The following GRID2 variants were observed in gnomAD, a reference collection of about 807,000 sequenced individuals.
The protein encoded by GRID2 is glutamate ionotropic receptor delta type subunit 2.
A neutral mutation model predicts 114.8 loss-of-function variants in GRID2; 33 were observed. That is an observed-to-expected ratio of 0.29 (90% CI 0.22 to 0.38). The LOEUF is 0.38. GRID2 is among the 10% of genes least tolerant of loss of function. GRID2 has a pLI of 1.00. For missense variants in GRID2, 1,184 were observed against 1,257.7 expected (o/e 0.94, Z 0.89); for synonymous variants, 505 against 449.9 (o/e 1.12, Z -1.55).
At chr4:93,127,574 AC>A (rs1734392807) in intron 4 of GRID2, among the ~76,000 whole-genome samples, 1 of 152,176 alleles carries the variant, frequency 6.6e-6, no homozygotes. Context: ...TGTATTTATC[AC>A]ACTAAACCTA....
At chr4:92,960,384 G>C (rs969977565) in intron 2 of GRID2, among the ~76,000 whole-genome samples, 1 of 151,886 alleles carries the variant, frequency 6.6e-6, no homozygotes, top group African/African-American at 2.4e-5. Context: ...TATAATAGCA[G>C]GTTTATCTAT....
At chr4:93,263,907 T>C (rs1017566438) in intron 8 of GRID2, among the ~76,000 whole-genome samples, 5 of 152,168 alleles carry the variant, frequency 3.3e-5, no homozygotes. Flanking sequence ...AATGGGAGCA[T>C]AGAAGTCAAC....
intron 1 of GRID2, among the ~76,000 whole-genome samples, chr4:92,424,766 C>A (rs1407261048): frequency 6.7e-6 from 1 of 150,280 alleles, no homozygotes; most frequent in Non-Finnish European, 1.5e-5. Context: ...CTTCTAGTTT[C>A]TTCTGATATT....
At chr4:93,680,792 G>T (rs955365129) in intron 14 of GRID2, among the ~76,000 whole-genome samples, 1 of 152,056 alleles carries the variant, frequency 6.6e-6, no homozygotes, top group Admixed American at 6.6e-5. Context: ...AATAATAAGA[G>T]CTATCTGTGA....
intron 8 of GRID2, among the ~76,000 whole-genome samples, chr4:93,325,685 T>G (rs981468314): frequency 6.8e-6 from 1 of 147,998 alleles, no homozygotes; most frequent in Non-Finnish European, 1.5e-5. Flanking sequence ...TATTTTTTAG[T>G]CATATTTCAA....
At chr4:93,491,768 A>T (rs1727031950) in intron 12 of GRID2, among the ~76,000 whole-genome samples, 1 of 151,928 alleles carries the variant, frequency 6.6e-6, no homozygotes, top group African/African-American at 2.4e-5. Context: ...AATGTAAATT[A>T]AATTCATTAG....
chr4:93,302,751 C>A, intron 8 of GRID2: 2 of 356,224 alleles, frequency 5.6e-6, no homozygotes, highest in East Asian at 7.3e-5. Context: ...ATAAAACCAA[C>A]AATATATCCA....
intron 1 of GRID2, among the ~76,000 whole-genome samples, chr4:92,517,667 A>T (rs1724563010): frequency 6.6e-6 from 1 of 151,906 alleles, no homozygotes; most frequent in South Asian, 2.1e-4. Flanking sequence ...CAGCTACATG[A>T]GGTAGTAGTT....
intron 2 of GRID2, among the ~76,000 whole-genome samples, chr4:92,827,712 A>G (rs1741822669): frequency 1.3e-5 from 2 of 152,116 alleles, no homozygotes; most frequent in African/African-American, 4.8e-5. Flanking sequence ...TAAATGCTCA[A>G]CGAATAAAAA....
chr4:93,608,428 A>C (rs1375744053), intron 13 of GRID2, among the ~76,000 whole-genome samples: 3 of 144,072 alleles, frequency 2.1e-5, no homozygotes, highest in African/African-American at 7.9e-5. Flanking sequence ...GTCATCTAGC[A>C]TTAGGTATAT....
At chr4:92,344,310 T>G (rs1727658116) in intron 1 of GRID2, among the ~76,000 whole-genome samples, 1 of 152,154 alleles carries the variant, frequency 6.6e-6, no homozygotes, top group African/African-American at 2.4e-5. Flanking sequence ...AATAAAAGTA[T>G]TTAGAGTATA....
At chr4:92,653,304 T>TACACAC (rs145150152) in intron 2 of GRID2, among the ~76,000 whole-genome samples, 19 of 146,540 alleles carry the variant, frequency 1.3e-4, no homozygotes, top group African/African-American at 3.7e-4. Context: ...TGGCCAAAAT[T>TACACAC]ACACACACAC....
At chr4:93,729,271 G>A (rs929160561) in intron 14 of GRID2, among the ~76,000 whole-genome samples, 10 of 152,020 alleles carry the variant, frequency 6.6e-5, no homozygotes, top group Admixed American at 1.3e-4. Flanking sequence ...TTATGGATCC[G>A]CTGAATAAAA....
intron 2 of GRID2, among the ~76,000 whole-genome samples, chr4:93,026,647 CGTGT>C (rs1020236065): frequency 2.0e-5 from 3 of 151,206 alleles, no homozygotes; most frequent in African/African-American, 2.4e-5. Flanking sequence ...GTGAGGTGTG[CGTGT>C]GTGTGTATTT....
chr4:93,019,803 A>G (rs893306646), intron 2 of GRID2, among the ~76,000 whole-genome samples: 7 of 152,140 alleles, frequency 4.6e-5, no homozygotes, highest in Non-Finnish European at 1.0e-4. Flanking sequence ...GTTTTAAGAG[A>G]GATATTAAAG....
At chr4:93,097,151 A>G (rs766123288) in intron 3 of GRID2, among the ~76,000 whole-genome samples, 7 of 152,012 alleles carry the variant, frequency 4.6e-5, no homozygotes, top group Non-Finnish European at 8.8e-5. Context: ...TTGTCTGGAA[A>G]GCGACACAAA....
rs1462621945 is a variant in GRID2 at position 93,017,818 on chromosome 4, A to AAAAAG, written c.245-67162_245-67158dup. ...GGCTCCTTTTCAAGAAAAAAAAAAA[A>AAAAAG]AAAAGAAAAGAAAAGAAAAAATAAA... On this transcript the variant is annotated intron_variant, in intron 2 of 15. Coordinates refer to ENST00000282020, the MANE Select transcript of GRID2 (RefSeq NM_001510.4). Among the ~76,000 whole-genome samples, 2 of 150,262 alleles carry AAAAAG rather than the reference A, an allele frequency of 1.3e-5. 1 individual carries two copies. Among genetic ancestry groups the AAAAAG allele is most frequent in the Non-Finnish European group, 3.0e-5 (2 of 67,714 alleles).
chr4:92,639,691 G>A (rs1423827753), intron 2 of GRID2, among the ~76,000 whole-genome samples: 1 of 151,608 alleles, frequency 6.6e-6, no homozygotes, highest in Non-Finnish European at 1.5e-5. Flanking sequence ...TGGATACGAC[G>A]TGGATTATTG....
At chr4:92,629,612 G>C (rs1730691210) in intron 2 of GRID2, among the ~76,000 whole-genome samples, 1 of 152,104 alleles carries the variant, frequency 6.6e-6, no homozygotes, top group African/African-American at 2.4e-5. Flanking sequence ...TTAAGGGTTT[G>C]TAACAATATA....
Sources: allele counts gnomAD v4.1 joint callset (sites outside exome capture counted in the v4.1 genomes callset), GRCh38; gene constraint gnomAD v4.1.1; transcripts MANE v1.5; gene names NCBI Gene and HGNC (gene_info 2026-07-23, HGNC 2026-07-21).